The following NSUN6 variants were observed in gnomAD, a reference collection of about 807,000 sequenced individuals.
NSUN6 encodes NOP2/Sun RNA methyltransferase 6, also known as tRNA (cytosine(72)-C(5))-methyltransferase NSUN6.
In NSUN6, 64 loss-of-function variants were observed where a neutral mutation model predicts 58.0. The observed-to-expected ratio is 1.10, with a 90% CI of 0.90 to 1.36. The LOEUF (loss-of-function observed/expected upper bound fraction) is 1.36. Among genes scored for constraint, NSUN6 ranks in the 40% most tolerant of loss-of-function variants. NSUN6 has a pLI of 0.00. For synonymous variants in NSUN6, 231 were observed against 193.9 expected (o/e 1.19, Z -1.59); for missense variants, 701 against 550.1 (o/e 1.27, Z -2.74).
intron 7 of NSUN6, among the ~76,000 whole-genome samples, chr10:18,592,583 C>A (rs1486703776): frequency 1.3e-5 from 2 of 152,270 alleles, no homozygotes; most frequent in East Asian, 1.9e-4. Flanking sequence ...ACCATCAGAT[C>A]TTTGACAAAC....
intron 8 of NSUN6, among the ~76,000 whole-genome samples, chr10:18,571,869 C>G (rs1452168519): frequency 6.6e-6 from 1 of 151,576 alleles, no homozygotes; most frequent in South Asian, 2.1e-4. Context: ...ATTTTCCATT[C>G]CATTCTATTC....
At chr10:18,625,107 C>G (rs1004406016) in intron 3 of NSUN6, among the ~76,000 whole-genome samples, 6 of 152,162 alleles carry the variant, frequency 3.9e-5, no homozygotes, top group Non-Finnish European at 8.8e-5. Flanking sequence ...ACTGAGACAG[C>G]CTGTGTTTGG....
At chr10:18,652,377 C>T (rs1319109765), upstream of NSUN6, 9 of 983,466 alleles carry the variant, frequency 9.2e-6, no homozygotes, top group Admixed American at 4.9e-4. Flanking sequence ...TGGTAATTTA[C>T]ACATAAGTAT....
In NSUN6 at chr10:18,554,868, A is replaced by G. The variant is rs148605133; in HGVS notation, c.923-2897T>C. Reference sequence around the variant, plus strand: ...AATGGAATGGAGAATGGACTGGGAAATGGGATGGAATATAATGGAGAATGG... The same window carrying G: ...AATGGAATGGAGAATGGACTGGGAAGTGGGATGGAATATAATGGAGAATGG... On this transcript the variant is annotated intron_variant, in intron 8 of 10. Transcript: ENST00000377304. Among the ~76,000 whole-genome samples the G allele has an allele frequency of 4.3e-3, 656 of 151,048 alleles. 20 individuals are homozygous for G. Among genetic ancestry groups the G allele is most frequent in the Admixed American group, 0.028 (431 of 15,124 alleles).
At chr10:18,635,832 T>C (rs975043527) in intron 3 of NSUN6, among the ~76,000 whole-genome samples, 2 of 151,224 alleles carry the variant, frequency 1.3e-5, no homozygotes. Flanking sequence ...AGTGAGACTC[T>C]GTGTTGTTGT....
At chr10:18,653,256 T>A, upstream of NSUN6, 1 of 983,772 alleles carries the variant, frequency 1.0e-6, no homozygotes, top group Non-Finnish European at 1.2e-6. Flanking sequence ...ACTTACTGAA[T>A]GACTAAATGA....
At chr10:18,652,802 T>C, upstream of NSUN6, 2 of 637,632 alleles carry the variant, frequency 3.1e-6, no homozygotes, top group Non-Finnish European at 2.0e-6. Flanking sequence ...TCAACTGATC[T>C]GACTCTCTAG....
intron 3 of NSUN6, among the ~76,000 whole-genome samples, chr10:18,638,338 A>T (rs564850926): frequency 8.5e-5 from 13 of 152,292 alleles, no homozygotes; most frequent in Non-Finnish European, 1.6e-4. Context: ...ACTACTCGGG[A>T]GCATGAGGCA....
intron 3 of NSUN6, among the ~76,000 whole-genome samples, chr10:18,627,786 G>A (rs982595159): frequency 1.1e-4 from 16 of 152,236 alleles, no homozygotes; most frequent in African/African-American, 2.7e-4. Context: ...GATTGCTAAC[G>A]CAGCAGTCTG....
At chr10:18,553,307 T>C (rs562820575) in intron 8 of NSUN6, among the ~76,000 whole-genome samples, 5 of 150,626 alleles carry the variant, frequency 3.3e-5, no homozygotes, top group East Asian at 2.0e-4. Flanking sequence ...CTCCATTCCA[T>C]GGAATGGAAT....
chr10:18,630,439 T>A (rs866388474), intron 3 of NSUN6, among the ~76,000 whole-genome samples: 1 of 151,846 alleles, frequency 6.6e-6, no homozygotes, highest in Non-Finnish European at 1.5e-5. Flanking sequence ...ACACAAAAAA[T>A]GCTTCAAAAA....
chr10:18,577,303 T>C (rs1216837487), intron 8 of NSUN6, among the ~76,000 whole-genome samples: 1 of 152,228 alleles, frequency 6.6e-6, no homozygotes, highest in Non-Finnish European at 1.5e-5. Flanking sequence ...TTGCAAGGTC[T>C]GACTGCTCTG....
intron 6 of NSUN6, among the ~76,000 whole-genome samples, chr10:18,605,192 C>T (rs1297614708): frequency 1.4e-5 from 2 of 147,082 alleles, no homozygotes; most frequent in Non-Finnish European, 3.0e-5. Context: ...GCCGAGACTC[C>T]CTTAAAAAAA....
chr10:18,617,178 C>T (rs1027748801), intron 3 of NSUN6, among the ~76,000 whole-genome samples: 3 of 148,336 alleles, frequency 2.0e-5, no homozygotes, highest in African/African-American at 7.5e-5. Context: ...AATGTTTAGC[C>T]TTTCTAGTTT....
intron 3 of NSUN6, among the ~76,000 whole-genome samples, chr10:18,628,631 G>C (rs1278905341): frequency 1.3e-5 from 2 of 152,178 alleles, no homozygotes; most frequent in Non-Finnish European, 2.9e-5. Flanking sequence ...GAGCCAATGT[G>C]ATCAACTGGA....
chr10:18,633,060 G>A lies in NSUN6; in HGVS notation c.311+9416C>T, dbSNP rs954343501. ...AGAAAATGTGTCACATATACACCAT[G>A]GAATACTATGCAGCCATAAAAAATG... On this transcript the variant is annotated intron_variant, in intron 3 of 10. Transcript: ENST00000377304. Among the ~76,000 whole-genome samples the A allele has an allele frequency of 4.0e-5, 6 of 151,830 alleles. No individual in the cohort carries two copies. The East Asian group carries it at 1.2e-3, about 29-fold the overall frequency.
intron 7 of NSUN6, among the ~76,000 whole-genome samples, chr10:18,588,702 A>C (rs987770111): frequency 1.3e-5 from 2 of 152,222 alleles, no homozygotes; most frequent in Non-Finnish European, 1.5e-5. Flanking sequence ...TAGAAGAAAA[A>C]CTAACAAACA....
chr10:18,546,155 G>A lies in NSUN6; in HGVS notation c.1198-10C>T, dbSNP rs752343064. The A allele has an allele frequency of 1.9e-6, 3 of 1,582,790 alleles. No homozygotes were observed. Among genetic ancestry groups the A allele is most frequent in the East Asian group, 4.5e-5 (2 of 44,698 alleles). On this transcript the variant is annotated splice_polypyrimidine_tract_variant and intron_variant, in intron 10 of 10. Coordinates refer to ENST00000377304, the MANE Select transcript of NSUN6 (RefSeq NM_182543.5). ...CTCCAATCTGCGGTTCCTGTTTGGAGAAAGTGGATCAATATGGATGAACAT... is the reference window on the plus strand; with the variant it reads ...CTCCAATCTGCGGTTCCTGTTTGGAAAAAGTGGATCAATATGGATGAACAT...
intron 8 of NSUN6, among the ~76,000 whole-genome samples, chr10:18,561,063 G>A (rs889458098): frequency 7.4e-5 from 11 of 148,962 alleles, no homozygotes; most frequent in Non-Finnish European, 1.5e-4. Flanking sequence ...ATGGAGGATG[G>A]TATAGAAAAT....
Sources: allele counts gnomAD v4.1 joint callset (sites outside exome capture counted in the v4.1 genomes callset), GRCh38; gene constraint gnomAD v4.1.1; transcripts MANE v1.5; gene names NCBI Gene and HGNC (gene_info 2026-07-23, HGNC 2026-07-21).